The following POF1B variants were observed in gnomAD, a reference collection of about 807,000 sequenced individuals.
The protein encoded by POF1B is protein POF1B.
Under a neutral mutation model 55.3 loss-of-function variants are expected in POF1B, and 53 were observed. The ratio of observed to expected loss-of-function variants is 0.96; its 90% CI spans 0.77 to 1.20. The LOEUF is 1.20. Ranked by LOEUF, POF1B falls within the 50% of genes most tolerant of loss-of-function variation. The probability of loss-of-function intolerance (pLI) is 0.00; values close to 1 mark genes in which losing one functional copy is unlikely to be tolerated. For synonymous variants in POF1B, 188 were observed against 148.3 expected, an observed-to-expected ratio of 1.27 and a Z score of -1.95; for missense variants, 478 against 420.5, an observed-to-expected ratio of 1.14 and a Z score of -1.20.
At position 85,336,031 on chromosome X, in the gene POF1B, C is replaced by A. The variant is rs139335876; in HGVS notation, c.724-4952G>T. Among the ~76,000 whole-genome samples, 721 of 110,443 alleles carry A rather than the reference C, an allele frequency of 6.5e-3. 2 individuals carry two copies. Among genetic ancestry groups the A allele is most frequent in the Middle Eastern group, 0.014 (3 of 214 alleles). On this transcript the variant is annotated intron_variant, in intron 6 of 16. Transcript: ENST00000262753. The stretch of plus-strand genomic sequence containing the variant: ...CACTAACCTTCTCAACCTCTGGTAA[C>A]CATACTCTACTCTCTATCTCCATGA...
At chrX:85,312,477 A>G (rs972016288) in intron 9 of POF1B, among the ~76,000 whole-genome samples, 5 of 111,269 alleles carry the variant, frequency 4.5e-5, no homozygotes, top group South Asian at 7.5e-4. Flanking sequence ...CAAAGATCCA[A>G]TAGTTGTAAA....
chrX:85,298,342 C>A (rs1009818809), intron 15 of POF1B, among the ~76,000 whole-genome samples: 2 of 111,793 alleles, frequency 1.8e-5, no homozygotes, highest in African/African-American at 6.5e-5. Context: ...ATTCTTTGGG[C>A]AGATCCTCCT....
At chrX:85,354,633 A>C (rs1603069210) in intron 4 of POF1B, among the ~76,000 whole-genome samples, 1 of 111,127 alleles carries the variant, frequency 9.0e-6, no homozygotes, top group East Asian at 2.9e-4. Context: ...ATCAATGTAC[A>C]AAAATCACAA....
chrX:85,379,566 C>T, intron 1 of POF1B, 71 bp from the exon 2 acceptor site: 1 of 800,149 alleles, frequency 1.2e-6, no homozygotes, highest in Non-Finnish European at 1.7e-6. Context: ...GGCAGACAGA[C>T]ACACGACACA....
At chrX:85,322,985 A>G (rs1300296001) in intron 7 of POF1B, among the ~76,000 whole-genome samples, 8 of 110,070 alleles carry the variant, frequency 7.3e-5, no homozygotes, top group Admixed American at 9.6e-5. Flanking sequence ...GAACACTTTT[A>G]CACTGTTGGT....
intron 4 of POF1B, among the ~76,000 whole-genome samples, chrX:85,353,686 T>C (rs1259755691): frequency 6.3e-5 from 7 of 110,746 alleles, no homozygotes; most frequent in African/African-American, 2.3e-4. Context: ...GTTCAATGCA[T>C]AGGTGAAAAC....
At chrX:85,346,236 T>C (rs1933269069) in intron 5 of POF1B, among the ~76,000 whole-genome samples, 194 bp from the exon 6 acceptor site, 1 of 110,712 alleles carries the variant, frequency 9.0e-6, no homozygotes, top group Non-Finnish European at 1.9e-5. Flanking sequence ...TGTTTTTATT[T>C]GATCAGGTTG....
At chrX:85,297,528 C>G (rs1196660028) in intron 15 of POF1B, among the ~76,000 whole-genome samples, 1 of 112,069 alleles carries the variant, frequency 8.9e-6, no homozygotes, top group Non-Finnish European at 1.9e-5. Context: ...AGATTCTTAC[C>G]TTGGGTTTCA....
chrX:85,284,220 G>T (rs1931981156), intron 15 of POF1B, among the ~76,000 whole-genome samples: 1 of 111,291 alleles, frequency 9.0e-6, no homozygotes, highest in Non-Finnish European at 1.9e-5. Context: ...CGTGAAAATG[G>T]CCATACTGCC....
intron 9 of POF1B, among the ~76,000 whole-genome samples, chrX:85,310,202 G>GA (rs1170415654): frequency 3.6e-5 from 4 of 111,537 alleles, no homozygotes; most frequent in Non-Finnish European, 7.5e-5. Flanking sequence ...CAACCAATAA[G>GA]AAAAAACACT....
At chrX:85,379,130 A>T in intron 2 of POF1B, 43 bp downstream of exon 2, 1 of 1,169,393 alleles carries the variant, frequency 8.6e-7, no homozygotes, top group Non-Finnish European at 1.2e-6. Flanking sequence ...CAGGTTGAAG[A>T]TTGCCTTTCT....
chrX:85,351,846 A>T (rs1267426255), intron 4 of POF1B, among the ~76,000 whole-genome samples: 1 of 110,909 alleles, frequency 9.0e-6, no homozygotes, highest in African/African-American at 3.3e-5. Context: ...ATTGTTGGAG[A>T]AATGCAAAAT....
At position 85,305,892 on chromosome X, in the gene POF1B, C is replaced by T. The variant is rs759994072; in HGVS notation, c.1336G>A (p.Gly446Ser). ...LRMQVSETCT[G>S]PMLQAKMDEI... ...TCCATTTTAGCCTGCAACATTGGGC[C>T]TGTGCAAGTCTCAGAAACCTACAGA... The change falls in exon 13 of 17, where the codon GGC becomes AGC. Residue 446 changes from glycine to serine, a missense_variant. By Grantham distance (56) the Gly-to-Ser change is moderately conservative. Transcript: ENST00000262753. 1 of 1,208,420 alleles carries T rather than the reference C, an allele frequency of 8.3e-7. No homozygotes were observed. The highest frequency in any genetic ancestry group is 1.1e-6 in the Non-Finnish European group (1 of 894,027).
At position 85,304,451 on chromosome X, in the gene POF1B, A is replaced by C. The variant is rs780158098; in HGVS notation, c.1458T>G (p.His486Gln). ...TTCCTTCTCTCTTTGAAACATCTTT[A>C]TGGTACTGGTTTAATTGGGACTAAG... ...CRLRSQLNQY[H>Q]KDVSKREGSC... Residue 486 changes from histidine (H) to glutamine (Q), a missense_variant, in exon 14 of 17, where the codon CAT (histidine) becomes CAG (glutamine). His to Gln is a conservative substitution (Grantham distance 24). Coordinates refer to ENST00000262753, the MANE Select transcript of POF1B (RefSeq NM_024921.4). The C allele has an allele frequency of 2.4e-5, 28 of 1,162,018 alleles. No individual in the cohort carries two copies. In the South Asian group the frequency reaches 5.1e-4, roughly 21 times the overall value.
At chrX:85,361,955 C>CGTGTGTGTGTGTGTGTGT (rs3049233) in intron 3 of POF1B, among the ~76,000 whole-genome samples, 1 of 94,260 alleles carries the variant, frequency 1.1e-5, no homozygotes, top group Non-Finnish European at 2.2e-5. Context: ...CTAGGTATTT[C>CGTGTGTGTGTGTGTGTGT]GTGTGTGTGT....
At chrX:85,323,642 C>G (rs147983503) in intron 7 of POF1B, among the ~76,000 whole-genome samples, 1,370 of 110,311 alleles carry the variant, frequency 0.012, 22 homozygotes, top group African/African-American at 0.036. Flanking sequence ...GTCTATCTTT[C>G]TCATTCATTC....
intron 13 of POF1B, among the ~76,000 whole-genome samples, chrX:85,305,421 T>C (rs1304986535): frequency 9.0e-6 from 1 of 110,816 alleles, no homozygotes; most frequent in Non-Finnish European, 1.9e-5. Context: ...TAAGTGAGAA[T>C]TTTTACAAAT....
intron 6 of POF1B, among the ~76,000 whole-genome samples, chrX:85,339,174 C>T (rs188378184): frequency 9.0e-6 from 1 of 110,846 alleles, no homozygotes; most frequent in African/African-American, 3.3e-5. Context: ...AAGACCAAGC[C>T]ATGTCTTACA....
chrX:85,363,475 C>T (rs917018802), intron 3 of POF1B, among the ~76,000 whole-genome samples: 2 of 111,544 alleles, frequency 1.8e-5, no homozygotes, highest in African/African-American at 6.5e-5. Flanking sequence ...CAAAGAACTT[C>T]TTGATTTCTG....
Sources: allele counts gnomAD v4.1 joint callset (sites outside exome capture counted in the v4.1 genomes callset), GRCh38; gene constraint gnomAD v4.1.1; transcripts MANE v1.5; gene names NCBI Gene and HGNC (gene_info 2026-07-23, HGNC 2026-07-21).